The following MKLN1 variants were observed in gnomAD, a reference collection of about 807,000 sequenced individuals.
MKLN1 encodes muskelin.
In MKLN1, 18 loss-of-function variants were observed where a neutral mutation model predicts 99.0. The ratio of observed to expected loss-of-function variants is 0.18; its 90% CI spans 0.13 to 0.27. The LOEUF is 0.27. Among genes scored for constraint, MKLN1 ranks in the 10% least tolerant of loss-of-function variants. The probability of loss-of-function intolerance (pLI) is 1.00; values close to 1 mark genes in which losing one functional copy is unlikely to be tolerated. For missense variants in MKLN1, 621 were observed against 875.9 expected (o/e 0.71, Z 3.67); for synonymous variants, 288 against 293.2 (o/e 0.98, Z 0.18).
chr7:131,413,276 T>C (rs926630627), intron 7 of MKLN1, among the ~76,000 whole-genome samples: 7 of 152,208 alleles, frequency 4.6e-5, no homozygotes, highest in Non-Finnish European at 1.0e-4. Context: ...CTGAATACAG[T>C]AGTAATGAAA....
At position 131,388,960 on chromosome 7, in the gene MKLN1, T is replaced by G; in HGVS notation, c.388T>G (p.Phe130Val). 6.3e-7 allele frequency: 1 copy of G among 1,599,788 alleles called. No homozygotes were observed. The highest frequency in any genetic ancestry group is 8.5e-7 in the Non-Finnish European group (1 of 1,170,828). The stretch of plus-strand genomic sequence containing the variant: ...TGATGAACAGATGTTCCCTTGTCGA[T>G]TCATTAAAATAGGTAAGATTTTAGC... The part of the protein sequence containing the change: ...KIDEQMFPCR[F>V]IKIVPLLSWG... Residue 130 changes from phenylalanine to valine, a missense_variant, in exon 4 of 18, where the codon TTC (phenylalanine) becomes GTC (valine). Phe to Val is a conservative substitution (Grantham distance 50). Coordinates refer to ENST00000352689, the MANE Select transcript of MKLN1 (RefSeq NM_013255.5).
chr7:131,395,517 G>T (rs1173172531), intron 4 of MKLN1, among the ~76,000 whole-genome samples: 1 of 142,032 alleles, frequency 7.0e-6, no homozygotes, highest in Non-Finnish European at 1.5e-5. Context: ...GTGTATGGTG[G>T]TGAGGCATAC....
intron 6 of MKLN1, among the ~76,000 whole-genome samples, chr7:131,409,211 G>T (rs1234009488): frequency 6.6e-6 from 1 of 152,204 alleles, no homozygotes; most frequent in South Asian, 2.1e-4. Flanking sequence ...CAATAGAGAG[G>T]CTGACTTTTG....
At chr7:131,203,976 C>T (rs1796768196) in intron 3 of MKLN1, among the ~76,000 whole-genome samples, 1 of 152,212 alleles carries the variant, frequency 6.6e-6, no homozygotes, top group Non-Finnish European at 1.5e-5. Context: ...CATGAGAAAA[C>T]TGAGTCTTGG....
At chr7:131,114,260 G>GGGAC (rs1454104872) in intron 1 of MKLN1, among the ~76,000 whole-genome samples, 1 of 152,128 alleles carries the variant, frequency 6.6e-6, no homozygotes, top group African/African-American at 2.4e-5. Flanking sequence ...GTCCAAGATA[G>GGGAC]GGACCTCAGG....
chr7:131,323,107 A>T (rs915424721), upstream of MKLN1, among the ~76,000 whole-genome samples: 4 of 152,190 alleles, frequency 2.6e-5, no homozygotes, highest in African/African-American at 9.7e-5. Flanking sequence ...TTATAGTCTC[A>T]GCAGTCTTAT....
chr7:131,328,105 C>A, intron 1 of MKLN1, 108 bp downstream of exon 1: 1 of 1,327,022 alleles, frequency 7.5e-7, no homozygotes, highest in Non-Finnish European at 1.0e-6. Context: ...GCGGGGCCTG[C>A]TGAGGGGGAC....
Position 131,192,089 on chromosome 7 carries a change from T to TAAAA in MKLN1, c.-296-10767_-296-10766insAAAA, listed in dbSNP as rs1285406974. ...ATATTATATATATACATATATATTA[T>TAAAA]ATATATATGTATATATATATTATAT... On this transcript the variant is annotated intron_variant, in intron 2 of 7. Transcript: ENST00000416992. Among the ~76,000 whole-genome samples, 237 of 80,364 alleles carry TAAAA rather than the reference T, an allele frequency of 2.9e-3. 16 individuals carry two copies. Among genetic ancestry groups the TAAAA allele is most frequent in the African/African-American group, 4.2e-3 (85 of 20,440 alleles). 52.7% of individuals were successfully genotyped at this position (80,364 alleles called of 152,430 possible).
chr7:131,456,891 T>G (rs1340654557), intron 12 of MKLN1, among the ~76,000 whole-genome samples: 1 of 152,048 alleles, frequency 6.6e-6, no homozygotes, highest in African/African-American at 2.4e-5. Flanking sequence ...AAACATTACC[T>G]TGCATACTGA....
chr7:131,346,532 A>G (rs966999769), intron 1 of MKLN1, among the ~76,000 whole-genome samples: 3 of 152,030 alleles, frequency 2.0e-5, no homozygotes, highest in Non-Finnish European at 2.9e-5. Context: ...AAAAAAAAAA[A>G]AACCCAAAAA....
chr7:131,249,650 G>C (rs887608774), intron 3 of MKLN1, among the ~76,000 whole-genome samples: 1 of 152,142 alleles, frequency 6.6e-6, no homozygotes, highest in Non-Finnish European at 1.5e-5. Context: ...GGAGAGTCAG[G>C]AGCGCTCTCC....
intron 8 of MKLN1, among the ~76,000 whole-genome samples, chr7:131,420,670 C>T (rs1795166482): frequency 6.6e-6 from 1 of 152,188 alleles, no homozygotes; most frequent in Non-Finnish European, 1.5e-5. Flanking sequence ...ACCATTATTA[C>T]TACAATAATT....
chr7:131,266,925 G>A (rs1217440138), intron 3 of MKLN1, among the ~76,000 whole-genome samples: 1 of 151,928 alleles, frequency 6.6e-6, no homozygotes, highest in African/African-American at 2.4e-5. Context: ...GATCACACAA[G>A]CTTAGTTTAA....
intron 3 of MKLN1, among the ~76,000 whole-genome samples, chr7:131,291,931 C>T (rs1798225222): frequency 6.6e-6 from 1 of 151,920 alleles, no homozygotes; most frequent in Non-Finnish European, 1.5e-5. Flanking sequence ...ATAGTGAGAC[C>T]CTGCCTCTAC....
At position 131,397,380 on chromosome 7, in the gene MKLN1, G is replaced by A. The variant is rs1487109725; in HGVS notation, c.510+4G>A. ...TTGTCTCAACTGGTATAGCAAGGTA[G>A]GACTGTGTTTTAAATCCTGACTTTA... On this transcript the variant is annotated splice_donor_region_variant and intron_variant, in intron 5 of 17. Transcript: ENST00000352689. 6.6e-7 allele frequency: 1 copy of A among 1,526,204 alleles called. No individual in the cohort carries two copies. Among genetic ancestry groups the A allele is most frequent in the Non-Finnish European group, 8.9e-7 (1 of 1,118,396 alleles). 94.5% of individuals were successfully genotyped at this position (1,526,204 alleles called of 1,614,324 possible). A position where few individuals can be genotyped will look rare whatever the true frequency, so the allele number is the denominator to read the frequency against.
At chr7:131,232,044 T>C (rs1466595787) in intron 3 of MKLN1, among the ~76,000 whole-genome samples, 3 of 152,218 alleles carry the variant, frequency 2.0e-5, no homozygotes, top group Non-Finnish European at 4.4e-5. Flanking sequence ...TTCATTCCTA[T>C]AATTTTTTAA....
intron 3 of MKLN1, among the ~76,000 whole-genome samples, chr7:131,315,354 G>A (rs1191897470): frequency 1.3e-5 from 2 of 152,118 alleles, no homozygotes; most frequent in East Asian, 3.9e-4. Flanking sequence ...AAGCCGTGAG[G>A]GACTGTGCTA....
chr7:131,273,155 C>A (rs113064702), intron 3 of MKLN1, among the ~76,000 whole-genome samples: 1,910 of 152,296 alleles, frequency 0.013, 32 homozygotes, highest in African/African-American at 0.042. Context: ...CTAGAAGGCT[C>A]ATCCCTGGTG....
chr7:131,235,130 A>G (rs1159801140), intron 3 of MKLN1, among the ~76,000 whole-genome samples: 1 of 152,126 alleles, frequency 6.6e-6, no homozygotes, highest in Non-Finnish European at 1.5e-5. Flanking sequence ...GGCTGGGATC[A>G]GTTGATACAA....
Sources: gnomAD v4.1 joint callset for allele counts (sites outside exome capture counted in the v4.1 genomes callset) on GRCh38, gnomAD v4.1.1 for gene constraint, MANE v1.5 for transcripts, NCBI Gene and HGNC (gene_info 2026-07-23, HGNC 2026-07-21) for gene names.